Variants in BICC1 observed in about 807,000 individuals in gnomAD.
BICC1 encodes the protein BicC family RNA binding protein 1.
A neutral mutation model predicts 111.0 loss-of-function variants in BICC1; 43 were observed. That is an observed-to-expected ratio of 0.39 (90% CI 0.30 to 0.50). The LOEUF is 0.50. Ranked by LOEUF, BICC1 falls within the 20% of genes least tolerant of loss-of-function variation. The pLI is 0.88. For missense variants in BICC1, 1,091 were observed against 1,203.2 expected (o/e 0.91, Z 1.38); for synonymous variants, 467 against 434.4 (o/e 1.07, Z -0.93).
Position 58,512,961 on chromosome 10 carries a change from G to A in BICC1, c.-183G>A, listed in dbSNP as rs1366526304. On this transcript the variant is annotated 5_prime_UTR_variant, in exon 1 of 21. Coordinates refer to ENST00000373886, the MANE Select transcript of BICC1 (RefSeq NM_001080512.3). ...CGGGGTGGCGGGTGGCGTGGGCGGC[G>A]CCCGGGGCTGGGATGCGCCGGGGGC... 6.8e-6 allele frequency among the ~76,000 whole-genome samples: 1 copy of A among 147,558 alleles called. No individual in the cohort carries two copies. The highest frequency in any genetic ancestry group is 1.5e-5 in the Non-Finnish European group (1 of 66,252).
intron 3 of BICC1, among the ~76,000 whole-genome samples, chr10:58,728,539 T>C (rs902688960): frequency 6.6e-6 from 1 of 152,158 alleles, no homozygotes; most frequent in Non-Finnish European, 1.5e-5. Context: ...AGAGTTGAAA[T>C]CAACTTCTTC....
At chr10:58,698,680 G>T (rs1470460602) in intron 2 of BICC1, among the ~76,000 whole-genome samples, 1 of 152,098 alleles carries the variant, frequency 6.6e-6, no homozygotes, top group Non-Finnish European at 1.5e-5. Context: ...GACAGTGCCT[G>T]TCTGACCAAA....
chr10:58,625,288 A>T (rs1306467639), intron 2 of BICC1, among the ~76,000 whole-genome samples: 2 of 152,116 alleles, frequency 1.3e-5, no homozygotes, highest in Non-Finnish European at 2.9e-5. Flanking sequence ...CTCTTGTGAA[A>T]TGACTATGGT....
chr10:58,638,267 T>C (rs1838009800), intron 2 of BICC1, among the ~76,000 whole-genome samples: 1 of 152,004 alleles, frequency 6.6e-6, no homozygotes, highest in South Asian at 2.1e-4. Context: ...TTCATCTCTT[T>C]AATGTTATAG....
chr10:58,795,145 TA>T (rs1241594927), intron 9 of BICC1, among the ~76,000 whole-genome samples: 1 of 152,064 alleles, frequency 6.6e-6, no homozygotes, highest in Non-Finnish European at 1.5e-5. Flanking sequence ...AATAAGAAAA[TA>T]ACACCATTTT....
chr10:58,549,062 T>C (rs1843218609), intron 1 of BICC1, among the ~76,000 whole-genome samples: 1 of 151,998 alleles, frequency 6.6e-6, no homozygotes, highest in Non-Finnish European at 1.5e-5. Context: ...CTCAGGCTGG[T>C]CTCAAACTCC....
chr10:58,662,541 C>T (rs561127877), intron 2 of BICC1, among the ~76,000 whole-genome samples: 26 of 152,178 alleles, frequency 1.7e-4, no homozygotes, highest in Admixed American at 2.6e-4. Context: ...GTTGCGAAAG[C>T]TCTCGAAAGG....
chr10:58,519,703 G>A (rs1040945585), intron 1 of BICC1, among the ~76,000 whole-genome samples: 2 of 152,036 alleles, frequency 1.3e-5, no homozygotes, highest in East Asian at 3.9e-4. Flanking sequence ...TAGTCCAGAA[G>A]TAAACCTAAA....
chr10:58,549,028 T>C (rs1363635093), intron 1 of BICC1, among the ~76,000 whole-genome samples: 3 of 152,098 alleles, frequency 2.0e-5, no homozygotes, highest in African/African-American at 7.2e-5. Context: ...ATATTTTTTG[T>C]GGAGACAGGG....
intron 3 of BICC1, among the ~76,000 whole-genome samples, chr10:58,739,885 C>T (rs920144656): frequency 9.9e-5 from 15 of 151,978 alleles, no homozygotes; most frequent in Non-Finnish European, 1.5e-4. Context: ...GAAGGTTGCC[C>T]CTTTGAATTT....
chr10:58,622,188 A>G (rs1315885474), intron 2 of BICC1, among the ~76,000 whole-genome samples: 1 of 152,128 alleles, frequency 6.6e-6, no homozygotes, highest in Non-Finnish European at 1.5e-5. Flanking sequence ...TCTCAAAGAA[A>G]AAAAAAATGA....
intron 10 of BICC1, among the ~76,000 whole-genome samples, chr10:58,798,002 G>A (rs1843412462): frequency 6.6e-6 from 1 of 152,114 alleles, no homozygotes; most frequent in Admixed American, 6.6e-5. Context: ...TGCTACATGT[G>A]AGTAGTTTGA....
Position 58,817,613 on chromosome 10 carries a change from C to A in BICC1, c.2585C>A (p.Thr862Lys). ...TACATGGACTGCATTTCCTCGCTGA[C>A]AGGAAGCAATGGCTGTAACTTAAAT... is the stretch of plus-strand genomic sequence containing the variant. ...SNYMDCISSLTGSNGCNLNSS... is the reference protein window; with the variant it reads ...SNYMDCISSLKGSNGCNLNSS... The change falls in exon 19 of 21, where the codon ACA (threonine) becomes AAA (lysine). Residue 862 changes from threonine (T) to lysine (K), a missense_variant. By Grantham distance (78) the Thr-to-Lys change is moderately conservative (BLOSUM62 -1). This residue lies in a region of BICC1 where 231 missense variants were observed against 256.2 expected (regional missense o/e 0.90). Coordinates refer to ENST00000373886, the MANE Select transcript of BICC1 (RefSeq NM_001080512.3). 6.2e-7 allele frequency: 1 copy of A among 1,613,598 alleles called. No homozygotes were observed.
intron 3 of BICC1, among the ~76,000 whole-genome samples, chr10:58,781,505 C>T (rs1286275480): frequency 6.6e-6 from 1 of 152,066 alleles, no homozygotes; most frequent in Admixed American, 6.6e-5. Flanking sequence ...AACCTTTATG[C>T]CTAAATTGAG....
chr10:58,695,159 G>C (rs1400009503), intron 2 of BICC1, among the ~76,000 whole-genome samples: 1 of 152,164 alleles, frequency 6.6e-6, no homozygotes, highest in East Asian at 1.9e-4. Context: ...TCATTGGTAG[G>C]CCTTTCTTGG....
At chr10:58,695,392 T>A (rs1305512608) in intron 2 of BICC1, among the ~76,000 whole-genome samples, 1 of 152,186 alleles carries the variant, frequency 6.6e-6, no homozygotes, top group Non-Finnish European at 1.5e-5. Context: ...GGACAGACCT[T>A]ATTTCTCTAT....
At chr10:58,521,808 A>AGG (rs1842398188) in intron 1 of BICC1, among the ~76,000 whole-genome samples, 1 of 57,748 alleles carries the variant, frequency 1.7e-5, no homozygotes, top group African/African-American at 6.0e-5. Flanking sequence ...TTTTTTTTTG[A>AGG]GGGAGTACAC....
chr10:58,691,221 C>T (rs1839898801), intron 2 of BICC1, among the ~76,000 whole-genome samples: 1 of 152,070 alleles, frequency 6.6e-6, no homozygotes, highest in African/African-American at 2.4e-5. Context: ...AGGCAGTGTG[C>T]TTTACAGTAG....
At position 58,537,153 on chromosome 10, in the gene BICC1, A is replaced by G. The variant is rs185267256; in HGVS notation, c.190+23820A>G. 2.3e-4 allele frequency among the ~76,000 whole-genome samples: 35 copies of G among 151,988 alleles called. 1 individual carries two copies. The highest frequency in any genetic ancestry group is 8.4e-4 in the African/African-American group (35 of 41,546). On this transcript the variant is annotated intron_variant, in intron 1 of 20. Transcript: ENST00000373886. ...TACTAGACATTAAAAGCAGAACTGG[A>G]ATCAATTCTACTGAACTATTCCACA...
Sources: allele counts gnomAD v4.1 joint callset (sites outside exome capture counted in the v4.1 genomes callset), GRCh38; gene constraint gnomAD v4.1.1; regional missense constraint gnomAD v4.1.1; transcripts MANE v1.5; gene names NCBI Gene and HGNC (gene_info 2026-07-23, HGNC 2026-07-21).